Variants in EML6 observed in about 807,000 individuals in gnomAD.
EML6 encodes echinoderm microtubule-associated protein-like 6.
Under a neutral mutation model 240.1 loss-of-function variants are expected in EML6, and 154 were observed. That is an observed-to-expected ratio of 0.64 (90% confidence interval 0.56 to 0.73). The LOEUF is 0.73. Ranked by LOEUF, EML6 falls within the 30% of genes least tolerant of loss-of-function variation. The probability of loss-of-function intolerance (pLI) is 0.00; values close to 1 mark genes in which losing one functional copy is unlikely to be tolerated. For synonymous variants in EML6, 1,148 were observed against 899.0 expected (o/e 1.28, Z -4.95); for missense variants, 2,964 against 2,474.6 (o/e 1.20, Z -4.20).
chr2:54,928,944 G>A (rs1390507254), intron 28 of EML6, among the ~76,000 whole-genome samples, 193 bp downstream of exon 28: 1 of 152,116 alleles, frequency 6.6e-6, no homozygotes, highest in Non-Finnish European at 1.5e-5. Context: ...GGCAAAGGGC[G>A]GTTTATACTT....
rs1265483514 is a variant in EML6, at chr2:54,866,846, G to T, written c.2013G>T (p.Lys671Asn). The T allele has an allele frequency of 6.4e-7, 1 of 1,551,036 alleles. No individual in the cohort carries two copies. Among genetic ancestry groups the T allele is most frequent in the African/African-American group, 1.4e-5 (1 of 73,022 alleles). Residue 671 changes from lysine (K) to asparagine (N), a missense_variant, in exon 14 of 42, where the codon AAG becomes AAT. Coordinates refer to ENST00000356458, the MANE Select transcript of EML6 (RefSeq NM_001039753.4). ...NHAVPFLKRE[K>N]APEDSLKLQF... ...CAGTGCCCTTCCTCAAACGAGAAAA[G>T]GCTCCTGAGGACAGCTTGAAACTCC... is the stretch of plus-strand genomic sequence containing the variant.
At chr2:54,828,436 G>C (rs564637807) in intron 6 of EML6, among the ~76,000 whole-genome samples, 1 of 152,286 alleles carries the variant, frequency 6.6e-6, no homozygotes, top group East Asian at 1.9e-4. Context: ...GATGTAAAAG[G>C]CAAAGCCTAT....
At chr2:54,838,257 A>G (rs1425973020) in intron 7 of EML6, among the ~76,000 whole-genome samples, 3 of 152,232 alleles carry the variant, frequency 2.0e-5, no homozygotes, top group Non-Finnish European at 4.4e-5. Context: ...TGAACTTAAT[A>G]GAAAGATCCT....
Position 54,964,565 on chromosome 2 carries a change from T to C in EML6, c.5331-6T>C. 6.4e-7 allele frequency: 1 copy of C among 1,552,314 alleles called. No homozygotes were observed. ...ATGGACTCTGCTCTCGGATTGCTTT[T>C]TCTAGAATCAGCCCAGACAACCGAT... is the stretch of plus-strand genomic sequence containing the variant. On this transcript the variant is annotated splice_polypyrimidine_tract_variant and splice_region_variant and intron_variant, in intron 37 of 41. Coordinates refer to ENST00000356458, the MANE Select transcript of EML6 (RefSeq NM_001039753.4).
intron 28 of EML6, among the ~76,000 whole-genome samples, chr2:54,947,007 C>A (rs986409721): frequency 5.3e-5 from 8 of 151,496 alleles, no homozygotes; most frequent in Non-Finnish European, 1.0e-4. Context: ...TGTGCTTGTA[C>A]GCATACTCTA....
chr2:54,851,361 T>TGA (rs1359135221), intron 10 of EML6, among the ~76,000 whole-genome samples: 1 of 152,140 alleles, frequency 6.6e-6, no homozygotes, highest in Non-Finnish European at 1.5e-5. Context: ...TGCAGCGAGC[T>TGA]GAGATCGCAC....
chr2:54,878,779 C>T (rs536117561), intron 16 of EML6, among the ~76,000 whole-genome samples: 1 of 152,072 alleles, frequency 6.6e-6, no homozygotes, highest in South Asian at 2.1e-4. Flanking sequence ...ATATTTAATA[C>T]TAAAGGAAAA....
At chr2:54,947,349 C>A (rs182434908) in intron 28 of EML6, among the ~76,000 whole-genome samples, 1 of 152,110 alleles carries the variant, frequency 6.6e-6, no homozygotes, top group Non-Finnish European at 1.5e-5. Flanking sequence ...TGATGTCAGC[C>A]GGGGGTGTCG....
chr2:54,888,168 C>A (rs752597710), intron 17 of EML6, among the ~76,000 whole-genome samples: 3 of 152,110 alleles, frequency 2.0e-5, no homozygotes, highest in Non-Finnish European at 4.4e-5. Context: ...GGGGCTGGGG[C>A]AGGATTCATA....
At chr2:54,861,708 C>G (rs1308357702) in intron 12 of EML6, among the ~76,000 whole-genome samples, 1 of 151,538 alleles carries the variant, frequency 6.6e-6, no homozygotes, top group African/African-American at 2.4e-5. Context: ...ATTGGCCAGT[C>G]AGATTGGTGA....
chr2:54,968,307 C>G, intron 40 of EML6, 26 bp downstream of exon 40: 1 of 1,550,554 alleles, frequency 6.4e-7, no homozygotes, highest in Non-Finnish European at 8.7e-7. Context: ...AGTAACCTCC[C>G]TGCAGGTTCT....
chr2:54,742,628 A>T (rs1021818394), intron 2 of EML6, among the ~76,000 whole-genome samples: 2 of 152,206 alleles, frequency 1.3e-5, no homozygotes, highest in Non-Finnish European at 2.9e-5. Context: ...TATGTGGTGG[A>T]AAAAGCTAGG....
At chr2:54,863,485 C>T (rs546323279) in intron 12 of EML6, among the ~76,000 whole-genome samples, 21 of 152,142 alleles carry the variant, frequency 1.4e-4, no homozygotes, top group East Asian at 3.9e-4. Context: ...TGTGCCACTG[C>T]GTTCCAGCCT....
At chr2:54,855,988 G>A (rs1485223543) in intron 11 of EML6, among the ~76,000 whole-genome samples, 1 of 152,160 alleles carries the variant, frequency 6.6e-6, no homozygotes, top group Non-Finnish European at 1.5e-5. Context: ...TGGGAAATGA[G>A]CAAACATTAT....
At chr2:54,905,321 G>C (rs1375038114) in intron 24 of EML6, among the ~76,000 whole-genome samples, 1 of 121,652 alleles carries the variant, frequency 8.2e-6, no homozygotes, top group South Asian at 3.3e-4. Flanking sequence ...TTTAGAATCC[G>C]ACACACACAC....
chr2:54,741,667 A>G (rs538506931), intron 2 of EML6, among the ~76,000 whole-genome samples: 5 of 152,354 alleles, frequency 3.3e-5, no homozygotes, highest in African/African-American at 1.2e-4. Flanking sequence ...GCTAGAAAAT[A>G]TAGCAGTGCT....
At chr2:54,739,974 C>T (rs1353722091) in intron 2 of EML6, among the ~76,000 whole-genome samples, 1 of 152,070 alleles carries the variant, frequency 6.6e-6, no homozygotes, top group East Asian at 1.9e-4. Flanking sequence ...AGAAAGAAGG[C>T]AGGTAGGTGT....
intron 2 of EML6, among the ~76,000 whole-genome samples, chr2:54,746,171 G>A (rs773951312): frequency 2.0e-4 from 30 of 152,216 alleles, no homozygotes; most frequent in Admixed American, 1.2e-3. Context: ...GGAAAGTGTA[G>A]CCTAATTAGG....
intron 16 of EML6, among the ~76,000 whole-genome samples, chr2:54,877,968 G>C (rs1337665872): frequency 6.6e-6 from 1 of 152,198 alleles, no homozygotes; most frequent in Non-Finnish European, 1.5e-5. Flanking sequence ...GGCCCTCAAA[G>C]CATGGGCATT....
Sources: allele counts gnomAD v4.1 joint callset (sites outside exome capture counted in the v4.1 genomes callset), GRCh38; gene constraint gnomAD v4.1.1; transcripts MANE v1.5; gene names NCBI Gene and HGNC (gene_info 2026-07-23, HGNC 2026-07-21).